The following LRP1B variants were observed in gnomAD, a reference collection of about 807,000 sequenced individuals.
LRP1B encodes LDL receptor related protein 1B, also known as low-density lipoprotein receptor-related protein 1B.
A neutral mutation model predicts 556.6 loss-of-function variants in LRP1B; 217 were observed. The ratio of observed to expected loss-of-function variants is 0.39; its 90% CI spans 0.35 to 0.44. The LOEUF (loss-of-function observed/expected upper bound fraction) is 0.44, where lower values mean the gene tolerates loss of function less well. LRP1B is among the 20% of genes least tolerant of loss of function. The pLI, the probability that LRP1B is intolerant of heterozygous loss-of-function variation, is 1.00. For synonymous variants in LRP1B, 2,047 were observed against 1,865.8 expected (o/e 1.10, Z -2.50); for missense variants, 5,053 against 5,620.8 (o/e 0.90, Z 3.23).
intron 41 of LRP1B, among the ~76,000 whole-genome samples, chr2:140,603,201 A>T (rs1274353237): frequency 6.6e-6 from 1 of 152,062 alleles, no homozygotes; most frequent in Non-Finnish European, 1.5e-5. Context: ...GGTATTAATG[A>T]GGGTGATTAG....
intron 1 of LRP1B, among the ~76,000 whole-genome samples, chr2:142,101,778 A>T (rs1706576285): frequency 6.6e-6 from 1 of 152,028 alleles, no homozygotes; most frequent in Non-Finnish European, 1.5e-5. Flanking sequence ...GATTATTTTT[A>T]AAAATTAGGG....
At chr2:141,631,555 A>AG (rs1688909930) in intron 2 of LRP1B, among the ~76,000 whole-genome samples, 1 of 151,596 alleles carries the variant, frequency 6.6e-6, no homozygotes, top group Admixed American at 6.6e-5. Context: ...AAAAAAAAAA[A>AG]AAAGGGGAAA....
At chr2:140,706,485 A>C (rs892956596) in intron 37 of LRP1B, among the ~76,000 whole-genome samples, 1 of 151,890 alleles carries the variant, frequency 6.6e-6, no homozygotes, top group Non-Finnish European at 1.5e-5. Context: ...TGCACTTATA[A>C]ATTTAAAAAC....
intron 86 of LRP1B, among the ~76,000 whole-genome samples, chr2:140,251,133 T>C (rs773501298): frequency 6.6e-6 from 1 of 151,868 alleles, no homozygotes; most frequent in Non-Finnish European, 1.5e-5. Context: ...CATAGGGGAA[T>C]AACTTCGTAT....
At chr2:140,387,407 T>C (rs79417794) in intron 66 of LRP1B, among the ~76,000 whole-genome samples, 2,372 of 152,302 alleles carry the variant, frequency 0.016, 32 homozygotes, top group Middle Eastern at 0.061. Flanking sequence ...TCACAATATT[T>C]TAAAGTATTG....
At chr2:141,413,596 A>G (rs969716169) in intron 3 of LRP1B, among the ~76,000 whole-genome samples, 1 of 152,188 alleles carries the variant, frequency 6.6e-6, no homozygotes, top group Non-Finnish European at 1.5e-5. Flanking sequence ...AGTTTGTGGT[A>G]TTTTGTTATA....
chr2:141,434,475 T>A (rs2104990608), intron 3 of LRP1B, among the ~76,000 whole-genome samples: 1 of 152,162 alleles, frequency 6.6e-6, no homozygotes, highest in South Asian at 2.1e-4. Flanking sequence ...TTTTTTTATT[T>A]GAGGAAGTAT....
chr2:140,884,297 G>T (rs756652131), intron 24 of LRP1B, among the ~76,000 whole-genome samples: 1 of 150,990 alleles, frequency 6.6e-6, no homozygotes, highest in African/African-American at 2.4e-5. Context: ...CAACGTTGAG[G>T]TTGCAAAAAA....
intron 41 of LRP1B, among the ~76,000 whole-genome samples, chr2:140,665,072 T>C (rs1559041370): frequency 6.6e-6 from 1 of 152,160 alleles, no homozygotes; most frequent in South Asian, 2.1e-4. Context: ...AATCAAGACC[T>C]GATTAATCAT....
intron 2 of LRP1B, among the ~76,000 whole-genome samples, chr2:141,513,075 A>G (rs1376576437): frequency 1.3e-5 from 2 of 152,150 alleles, no homozygotes; most frequent in Non-Finnish European, 2.9e-5. Flanking sequence ...TTAGCTCCTT[A>G]GCCTCAGCAG....
chr2:140,888,976 A>C (rs1397115312), intron 23 of LRP1B, among the ~76,000 whole-genome samples: 2 of 151,786 alleles, frequency 1.3e-5, no homozygotes, highest in Admixed American at 1.3e-4. Context: ...AAAAAAAAAA[A>C]AAAACTTGAA....
At chr2:140,377,466 A>G (rs1188752236) in intron 68 of LRP1B, among the ~76,000 whole-genome samples, 1 of 152,186 alleles carries the variant, frequency 6.6e-6, no homozygotes, top group African/African-American at 2.4e-5. Flanking sequence ...ATACTGGGAT[A>G]TGAGAGCTTG....
intron 87 of LRP1B, among the ~76,000 whole-genome samples, chr2:140,242,863 A>AT (rs1221813224): frequency 3.3e-5 from 5 of 151,158 alleles, no homozygotes; most frequent in Non-Finnish European, 5.9e-5. Context: ...CAATTGTACT[A>AT]TTTTTTTCTT....
intron 43 of LRP1B, among the ~76,000 whole-genome samples, chr2:140,549,739 T>C (rs188207855): frequency 1.1e-3 from 163 of 152,286 alleles, no homozygotes; most frequent in African/African-American, 3.3e-3. Flanking sequence ...CAATGTCCCT[T>C]TTAGTTCCCA....
At chr2:141,016,794 CA>C in intron 12 of LRP1B, among the ~76,000 whole-genome samples, 1 of 152,134 alleles carries the variant, frequency 6.6e-6, no homozygotes, top group Middle Eastern at 3.4e-3. Flanking sequence ...ATCTCATATA[CA>C]ACTTTATAAA....
At chr2:140,588,652 T>C (rs892825136) in intron 43 of LRP1B, among the ~76,000 whole-genome samples, 1 of 152,146 alleles carries the variant, frequency 6.6e-6, no homozygotes, top group African/African-American at 2.4e-5. Context: ...TTGAAAAAAG[T>C]ATACAAGCAA....
At chr2:140,925,033 GTATAAC>G (rs1559197864) in intron 20 of LRP1B, among the ~76,000 whole-genome samples, 1 of 151,978 alleles carries the variant, frequency 6.6e-6, no homozygotes, top group Non-Finnish European at 1.5e-5. Flanking sequence ...CAACAATATA[GTATAAC>G]TATATCATAT....
intron 2 of LRP1B, among the ~76,000 whole-genome samples, chr2:141,649,486 TAA>T (rs199941339): frequency 0.017 from 2,560 of 152,298 alleles, 36 homozygotes; most frequent in Middle Eastern, 0.027. Flanking sequence ...CAAGCTATCT[TAA>T]GTTTTATTAA....
At chr2:141,034,502 C>T (rs905220272) in intron 11 of LRP1B, among the ~76,000 whole-genome samples, 4 of 151,882 alleles carry the variant, frequency 2.6e-5, no homozygotes, top group African/African-American at 9.7e-5. Flanking sequence ...TCAACTCAAA[C>T]AAATTTACAA....
Sources: allele counts gnomAD v4.1 joint callset (sites outside exome capture counted in the v4.1 genomes callset), GRCh38; gene constraint gnomAD v4.1.1; transcripts MANE v1.5; gene names NCBI Gene and HGNC (gene_info 2026-07-23, HGNC 2026-07-21).